The following PAMR1 variants were observed in gnomAD, a reference collection of about 807,000 sequenced individuals.
The protein encoded by PAMR1 is inactive serine protease PAMR1.
PAMR1 carries 88 observed loss-of-function variants against 81.8 expected under a neutral mutation model. The observed-to-expected ratio is 1.08, with a 90% confidence interval of 0.91 to 1.28. The LOEUF is 1.28. Ranked by LOEUF, PAMR1 falls within the 50% of genes most tolerant of loss-of-function variation. The probability of loss-of-function intolerance (pLI) is 0.00; values close to 1 mark genes in which losing one functional copy is unlikely to be tolerated. For missense variants in PAMR1, 935 were observed against 919.7 expected, an observed-to-expected ratio of 1.02 and a Z score of -0.21; for synonymous variants, 336 against 345.3, an observed-to-expected ratio of 0.97 and a Z score of 0.30.
intron 1 of PAMR1, among the ~76,000 whole-genome samples, chr11:35,510,505 A>G (rs1417426526): frequency 7.7e-6 from 1 of 130,374 alleles, no homozygotes; most frequent in Non-Finnish European, 1.6e-5. Flanking sequence ...TATCCCCCCA[A>G]AAAAAGAGTT....
At chr11:35,493,548 C>G (rs1022480718) in intron 2 of PAMR1, among the ~76,000 whole-genome samples, 2 of 152,174 alleles carry the variant, frequency 1.3e-5, no homozygotes, top group Non-Finnish European at 2.9e-5. Flanking sequence ...ACAGGACCTT[C>G]GCACATGTTA....
At chr11:35,473,121 C>G (rs906462459) in intron 4 of PAMR1, among the ~76,000 whole-genome samples, 1 of 152,052 alleles carries the variant, frequency 6.6e-6, no homozygotes, top group African/African-American at 2.4e-5. Context: ...GGAAAATAGA[C>G]TTTGTGGTGG....
Position 35,434,656 on chromosome 11 carries a change from C to T in PAMR1, c.1482G>A (p.Val494=). The change falls in exon 10 of 11, where the codon GTG becomes GTA. Residue 494 remains valine (V), a synonymous_variant. Transcript: ENST00000619888. ...AWFLVCSGAL[V]NERTVVVAAH... is the part of the protein sequence containing the mutation. Reference sequence around the variant, plus strand: ...CAGCCACCACCACAGTGCGCTCATTCACCAGGGCACCGCTGCAGACTAGGA... The same window carrying T: ...CAGCCACCACCACAGTGCGCTCATTTACCAGGGCACCGCTGCAGACTAGGA... 1.2e-6 allele frequency: 2 copies of T among 1,614,190 alleles called. No homozygotes were observed. Among genetic ancestry groups the T allele is most frequent in the Non-Finnish European group, 1.7e-6 (2 of 1,180,044 alleles).
chr11:35,489,868 C>G (rs1044190899), intron 3 of PAMR1, among the ~76,000 whole-genome samples: 1 of 152,220 alleles, frequency 6.6e-6, no homozygotes, highest in Admixed American at 6.5e-5. Context: ...TCTACTTCAC[C>G]ACTCTTCCTT....
intron 6 of PAMR1, among the ~76,000 whole-genome samples, chr11:35,455,948 T>A (rs957598482): frequency 6.6e-6 from 1 of 151,978 alleles, no homozygotes; most frequent in Admixed American, 6.6e-5. Context: ...ACTTACTTAT[T>A]CCCCAGGTCA....
At chr11:35,517,839 C>T (rs757916679) in intron 1 of PAMR1, among the ~76,000 whole-genome samples, 5 of 152,158 alleles carry the variant, frequency 3.3e-5, no homozygotes, top group Admixed American at 6.5e-5. Flanking sequence ...GCCTGGCACC[C>T]GATAGGGGCT....
intron 10 of PAMR1, 66 bp downstream of exon 10, chr11:35,434,446 T>A (rs1280239302): frequency 1.3e-6 from 2 of 1,490,930 alleles, no homozygotes; most frequent in Non-Finnish European, 1.8e-6. Flanking sequence ...GTATAATCAC[T>A]GCTCTCCCGT....
intron 6 of PAMR1, among the ~76,000 whole-genome samples, chr11:35,459,078 A>T (rs968307044): frequency 1.3e-5 from 2 of 152,076 alleles, no homozygotes; most frequent in African/African-American, 4.8e-5. Context: ...TTCTCTCTCT[A>T]TGTGAAATTA....
chr11:35,478,561 C>T (rs1425784897), intron 3 of PAMR1, among the ~76,000 whole-genome samples: 1 of 152,134 alleles, frequency 6.6e-6, no homozygotes, highest in Non-Finnish European at 1.5e-5. Flanking sequence ...GGGAGCGCTC[C>T]CTCCCCACAT....
intron 1 of PAMR1, among the ~76,000 whole-genome samples, chr11:35,517,857 G>C (rs564769244): frequency 6.6e-6 from 1 of 152,306 alleles, no homozygotes; most frequent in Non-Finnish European, 1.5e-5. Flanking sequence ...GCTTGATAAG[G>C]ATTACTAAAT....
chr11:35,442,273 T>G (rs1856186408), intron 6 of PAMR1, among the ~76,000 whole-genome samples: 1 of 152,210 alleles, frequency 6.6e-6, no homozygotes, highest in Non-Finnish European at 1.5e-5. Context: ...ACAATAAATT[T>G]CCCTTGATCT....
intron 1 of PAMR1, among the ~76,000 whole-genome samples, chr11:35,498,880 C>T (rs557765548): frequency 6.6e-6 from 1 of 152,190 alleles, no homozygotes; most frequent in Admixed American, 6.5e-5. Context: ...CGATCCCATC[C>T]GTGGTTATTT....
intron 1 of PAMR1, among the ~76,000 whole-genome samples, chr11:35,517,476 T>C (rs927967520): frequency 2.6e-5 from 4 of 152,248 alleles, no homozygotes; most frequent in Non-Finnish European, 5.9e-5. Context: ...GTCAGAGTTT[T>C]CCAAACTGTA....
At chr11:35,509,339 AT>A (rs1004006660) in intron 1 of PAMR1, among the ~76,000 whole-genome samples, 4 of 152,184 alleles carry the variant, frequency 2.6e-5, no homozygotes, top group African/African-American at 9.6e-5. Context: ...TGTTGCTTGC[AT>A]TTTTTTTCCC....
rs1210040084 is a variant in PAMR1 at position 35,525,592 on chromosome 11, C to G, written c.-7G>C. 1.9e-6 allele frequency: 3 copies of G among 1,613,380 alleles called. No individual in the cohort carries two copies. In the African/African-American group the frequency reaches 4.0e-5, roughly 22 times the overall value. On this transcript the variant is annotated 5_prime_UTR_variant, in exon 1 of 11. Coordinates refer to ENST00000619888, the MANE Select transcript of PAMR1 (RefSeq NM_001001991.3). ...TCCAGCAACCCAGCTCCATCCTTGC[C>G]GCGGCTGGTGCCCGAGCGTCTACTG...
At chr11:35,521,539 C>T (rs1851279246) in intron 1 of PAMR1, among the ~76,000 whole-genome samples, 1 of 152,184 alleles carries the variant, frequency 6.6e-6, no homozygotes. Flanking sequence ...CACTTGTGTC[C>T]TACTAAATAA....
chr11:35,499,115 C>T (rs1850781696), intron 1 of PAMR1, among the ~76,000 whole-genome samples: 1 of 152,202 alleles, frequency 6.6e-6, no homozygotes, highest in South Asian at 2.1e-4. Flanking sequence ...AGCTACCCTT[C>T]CTTCACTAGT....
At chr11:35,507,888 C>T (rs631981) in intron 1 of PAMR1, among the ~76,000 whole-genome samples, 67,783 of 150,798 alleles carry the variant, frequency 0.45, 15,571 homozygotes, top group East Asian at 0.69. Context: ...AGTAAACAAA[C>T]AGAAAACTGC....
chr11:35,491,334 T>C (rs1485164327), intron 3 of PAMR1, among the ~76,000 whole-genome samples: 1 of 152,202 alleles, frequency 6.6e-6, no homozygotes, highest in Non-Finnish European at 1.5e-5. Context: ...ATATCATTCA[T>C]AGGAGTAAAA....
Sources: allele counts gnomAD v4.1 joint callset (sites outside exome capture counted in the v4.1 genomes callset), GRCh38; gene constraint gnomAD v4.1.1; transcripts MANE v1.5; gene names NCBI Gene and HGNC (gene_info 2026-07-23, HGNC 2026-07-21).